The following RPA1 variants were observed in gnomAD, a reference collection of about 807,000 sequenced individuals.
The protein encoded by RPA1 is replication protein A1.
A neutral mutation model predicts 83.0 loss-of-function variants in RPA1; 49 were observed. The observed-to-expected ratio is 0.59, with a 90% CI of 0.47 to 0.75. The LOEUF is 0.75. Ranked by LOEUF, RPA1 falls within the 30% of genes least tolerant of loss-of-function variation. RPA1 has a pLI of 0.00. For synonymous variants in RPA1, 279 were observed against 281.8 expected (o/e 0.99, Z 0.10); for missense variants, 693 against 776.1 (o/e 0.89, Z 1.27).
chr17:1,877,133 A>G, intron 7 of RPA1, 79 bp from the exon 8 acceptor site: 1 of 1,330,728 alleles, frequency 7.5e-7, no homozygotes, highest in African/African-American at 1.4e-5. Flanking sequence ...AAGACGAGAA[A>G]GGCTGTAGGA....
chr17:1,868,767 T>C (rs1913277086), intron 5 of RPA1, among the ~76,000 whole-genome samples: 1 of 152,158 alleles, frequency 6.6e-6, no homozygotes, highest in Admixed American at 6.6e-5. Flanking sequence ...TTGTCTGATA[T>C]TTATAGAATT....
At chr17:1,854,145 A>G (rs941534404) in intron 5 of RPA1, 131 of 152,214 alleles carry the variant, frequency 8.6e-4, no homozygotes, top group African/African-American at 3.1e-3. Flanking sequence ...AAAGAAGCTG[A>G]AAAAAAAGTC....
intron 4 of RPA1, among the ~76,000 whole-genome samples, chr17:1,845,530 C>G (rs971201444): frequency 6.6e-6 from 1 of 151,940 alleles, no homozygotes; most frequent in Non-Finnish European, 1.5e-5. Flanking sequence ...AGCAAGAGGC[C>G]ATCTCTAAAA....
intron 13 of RPA1, among the ~76,000 whole-genome samples, chr17:1,888,218 C>T (rs1914065942): frequency 6.6e-6 from 1 of 152,192 alleles, no homozygotes; most frequent in Non-Finnish European, 1.5e-5. Context: ...TAGGCCTAGA[C>T]ACGACTGCCG....
At chr17:1,887,685 C>G (rs745822945) in intron 13 of RPA1, among the ~76,000 whole-genome samples, 1 of 151,844 alleles carries the variant, frequency 6.6e-6, no homozygotes, top group African/African-American at 2.4e-5. Context: ...GTTTGGAGTT[C>G]GAGACCAGCC....
rs1338394653 is a variant in RPA1, at chr17:1,897,867, C to T, written c.*692C>T. 6.6e-6 allele frequency: 1 copy of T among 152,650 alleles called. No homozygotes were observed. The highest frequency in any genetic ancestry group is 2.4e-5 in the African/African-American group (1 of 41,438). The allele number at this position is 152,650 out of a possible 1,614,324, so 9.5% of individuals were successfully genotyped here. On this transcript the variant is annotated 3_prime_UTR_variant, in exon 17 of 17. Coordinates refer to ENST00000254719, the MANE Select transcript of RPA1 (RefSeq NM_002945.5). The stretch of plus-strand genomic sequence containing the variant: ...TGACTTGCCGTCCCCTAAGGAAATC[C>T]GAGCGGCTACAAAGCGTTTCTTTAC...
chr17:1,846,013 A>T (rs960878327), intron 4 of RPA1, among the ~76,000 whole-genome samples: 1 of 152,220 alleles, frequency 6.6e-6, no homozygotes, highest in Non-Finnish European at 1.5e-5. Flanking sequence ...TTAGTTTTTT[A>T]AATTCTGTTA....
At chr17:1,833,916 T>A (rs972284858) in intron 1 of RPA1, among the ~76,000 whole-genome samples, 3 of 152,332 alleles carry the variant, frequency 2.0e-5, no homozygotes, top group Non-Finnish European at 4.4e-5. Flanking sequence ...GCGCAGTGGC[T>A]CATGCCTGTA....
rs536314319 is a variant in RPA1 at position 1,835,151 on chromosome 17, G to A, written c.33+5025G>A. On this transcript the variant is annotated intron_variant, in intron 1 of 16. Coordinates refer to ENST00000254719, the MANE Select transcript of RPA1 (RefSeq NM_002945.5). ...CAGACTTGAGCCATTGCACCTGGCC[G>A]TAATTTTTTTTAAATGACAGAGTCT... Among the ~76,000 whole-genome samples the A allele has an allele frequency of 2.0e-5, 3 of 151,890 alleles. No homozygotes were observed. In the East Asian group the frequency reaches 5.8e-4, roughly 29 times the overall value.
At chr17:1,863,378 A>AT (rs143689666) in intron 5 of RPA1, among the ~76,000 whole-genome samples, 1 of 151,052 alleles carries the variant, frequency 6.6e-6, no homozygotes, top group Non-Finnish European at 1.5e-5. Flanking sequence ...CACTCAGCTA[A>AT]TTTTTTTTAT....
In RPA1 at chr17:1,891,889, T is replaced by C. The variant is rs2151292251; in HGVS notation, c.1608T>C (p.Ala536=). ...GGGTGACTTGTTTCCAGGAGTCTGC[T>C]GAAGCTATCCTTGGACAAAATGCTG... is the stretch of plus-strand genomic sequence containing the variant. ...NQWVTCFQES[A]EAILGQNAAY... The change falls in exon 15 of 17, where the codon GCT becomes GCC. Residue 536 remains alanine, a synonymous_variant. Transcript: ENST00000254719. 1 of 1,608,904 alleles carries C rather than the reference T, an allele frequency of 6.2e-7. No individual in the cohort carries two copies.
chr17:1,886,738 A>C, intron 13 of RPA1, among the ~76,000 whole-genome samples: 3 of 125,744 alleles, frequency 2.4e-5, no homozygotes, highest in South Asian at 2.4e-4. Flanking sequence ...ACAGAGTCTC[A>C]CTCTGTCACC....
intron 15 of RPA1, among the ~76,000 whole-genome samples, chr17:1,892,709 G>A (rs1480091463): frequency 6.6e-6 from 1 of 152,214 alleles, no homozygotes; most frequent in Non-Finnish European, 1.5e-5. Flanking sequence ...AATAATAAAT[G>A]CACATATAAG....
intron 5 of RPA1, chr17:1,858,299 G>T: frequency 6.2e-7 from 1 of 1,610,818 alleles, no homozygotes; most frequent in Non-Finnish European, 8.5e-7. Flanking sequence ...ATGCCAAAAA[G>T]AGAGACCCCT....
chr17:1,879,387 A>C lies in RPA1; in HGVS notation c.932A>C (p.Lys311Thr), dbSNP rs1348815994. 6.2e-7 allele frequency: 1 copy of C among 1,614,160 alleles called. No homozygotes were observed. Residue 311 changes from lysine to threonine, a missense_variant, in exon 10 of 17, where the codon AAG (lysine) becomes ACG (threonine). Transcript: ENST00000254719. Reference protein sequence around the residue: ...DFTGIDDLENKSKDSLVDIIG... With the variant: ...DFTGIDDLENTSKDSLVDIIG... ...ACGGGGATTGATGACCTCGAGAACA[A>C]GTCGAAAGACTCACTTGTAGGTAAG...
chr17:1,881,043 A>G (rs972110682), intron 12 of RPA1, among the ~76,000 whole-genome samples: 1 of 152,176 alleles, frequency 6.6e-6, no homozygotes, highest in African/African-American at 2.4e-5. Context: ...GCGTGGGGGA[A>G]CACATGCTTT....
At chr17:1,886,120 A>G (rs1454835084) in intron 13 of RPA1, among the ~76,000 whole-genome samples, 1 of 151,262 alleles carries the variant, frequency 6.6e-6, no homozygotes, top group African/African-American at 2.4e-5. Flanking sequence ...TTGTCAATAT[A>G]TTAATCTCCT....
rs752125478 is a variant in RPA1, at chr17:1,883,937, G to A, written c.1367G>A (p.Gly456Asp). ...GTCAAATCCGAGAACCTGGGCCAAG[G>A]CGACAAGGTACCCAGCATTCCTAAC... Reference protein sequence around the residue: ...YEVKSENLGQGDKPDYFSSVA... With the variant: ...YEVKSENLGQDDKPDYFSSVA... Residue 456 changes from glycine (G) to aspartate (D), a missense_variant, in exon 13 of 17, where the codon GGC becomes GAC. Coordinates refer to ENST00000254719, the MANE Select transcript of RPA1 (RefSeq NM_002945.5). 3.7e-6 allele frequency: 6 copies of A among 1,613,822 alleles called. No individual in the cohort carries two copies. Among genetic ancestry groups the A allele is most frequent in the Non-Finnish European group, 4.2e-6 (5 of 1,179,986 alleles).
intron 1 of RPA1, among the ~76,000 whole-genome samples, chr17:1,840,838 G>A (rs191644111): frequency 3.3e-5 from 5 of 152,226 alleles, no homozygotes; most frequent in Admixed American, 3.3e-4. Flanking sequence ...AGGCTGAGGC[G>A]GGCAGATCAC....
Sources: gnomAD v4.1 joint callset for allele counts (sites outside exome capture counted in the v4.1 genomes callset) on GRCh38, gnomAD v4.1.1 for gene constraint, MANE v1.5 for transcripts, NCBI Gene and HGNC (gene_info 2026-07-23, HGNC 2026-07-21) for gene names.